Variants in NRG3 observed in about 807,000 individuals in gnomAD.
NRG3 encodes the protein neuregulin 3, also known as pro-neuregulin-3, membrane-bound isoform.
Under a neutral mutation model 66.9 loss-of-function variants are expected in NRG3, and 31 were observed. The observed-to-expected ratio is 0.46, with a 90% CI of 0.35 to 0.63. NRG3 has a LOEUF of 0.63. NRG3 is among the 20% of genes least tolerant of loss of function. The pLI is 0.00. For synonymous variants in NRG3, 393 were observed against 359.4 expected, an observed-to-expected ratio of 1.09 and a Z score of -1.06; for missense variants, 910 against 878.9, an observed-to-expected ratio of 1.04 and a Z score of -0.45.
In NRG3 at chr10:82,779,714, TG is replaced by T. The variant is rs530516409; in HGVS notation, c.1027+41065del. ...TCATGTTTTCTATTTCTTTAGTTAC[TG>T]AAATTTTCTATTCTTTTTTTTTATT... On this transcript the variant is annotated intron_variant, in intron 3 of 8. Coordinates refer to ENST00000372141, the MANE Select transcript of NRG3 (RefSeq NM_001010848.4). Among the ~76,000 whole-genome samples the T allele has an allele frequency of 9.9e-5, 15 of 151,962 alleles. No individual in the cohort carries two copies. In the South Asian group the frequency reaches 3.1e-3, roughly 31 times the overall value.
At chr10:82,449,273 A>C (rs1262516643) in intron 2 of NRG3, among the ~76,000 whole-genome samples, 1 of 152,208 alleles carries the variant, frequency 6.6e-6, no homozygotes, top group Non-Finnish European at 1.5e-5. Context: ...CAGGGGTCCA[A>C]CAAAGGAAGA....
At chr10:81,887,526 T>C (rs1257810096) in intron 1 of NRG3, among the ~76,000 whole-genome samples, 1 of 152,130 alleles carries the variant, frequency 6.6e-6, no homozygotes, top group Non-Finnish European at 1.5e-5. Flanking sequence ...TGGTCAAACA[T>C]GAATGGGTGG....
intron 2 of NRG3, among the ~76,000 whole-genome samples, chr10:82,639,823 G>A (rs1350697152): frequency 2.0e-5 from 3 of 151,952 alleles, no homozygotes; most frequent in Admixed American, 2.0e-4. Context: ...TTGTTATATA[G>A]GTAAACTTGT....
intron 1 of NRG3, among the ~76,000 whole-genome samples, chr10:82,147,194 A>G (rs1282600713): frequency 6.6e-6 from 1 of 152,078 alleles, no homozygotes; most frequent in Admixed American, 6.5e-5. Flanking sequence ...CCATTCTCTC[A>G]TTTTCTCACA....
intron 2 of NRG3, among the ~76,000 whole-genome samples, chr10:82,384,671 G>C (rs974190631): frequency 6.6e-6 from 1 of 152,044 alleles, no homozygotes; most frequent in Admixed American, 6.6e-5. Context: ...TCTTTATATA[G>C]TCTATCATTG....
chr10:82,310,268 T>C (rs777080573), intron 1 of NRG3, among the ~76,000 whole-genome samples: 1 of 152,198 alleles, frequency 6.6e-6, no homozygotes, highest in Non-Finnish European at 1.5e-5. Context: ...TGATGTGACT[T>C]GTGCTGTATT....
At chr10:82,306,892 C>A (rs1331263861) in intron 1 of NRG3, among the ~76,000 whole-genome samples, 1 of 151,892 alleles carries the variant, frequency 6.6e-6, no homozygotes, top group Non-Finnish European at 1.5e-5. Flanking sequence ...GACTATTATT[C>A]ACTTCATCAA....
intron 1 of NRG3, among the ~76,000 whole-genome samples, chr10:82,036,414 A>T (rs2062792581): frequency 6.6e-6 from 1 of 152,116 alleles, no homozygotes. Context: ...GGCACAAGTT[A>T]TTATCCCCAT....
chr10:82,167,384 T>C (rs2072165324), intron 1 of NRG3, among the ~76,000 whole-genome samples: 1 of 152,130 alleles, frequency 6.6e-6, no homozygotes, highest in Admixed American at 6.6e-5. Context: ...CCTCTCCTTA[T>C]ATATGACTCT....
intron 1 of NRG3, among the ~76,000 whole-genome samples, chr10:82,087,720 A>G (rs1402970045): frequency 6.6e-6 from 1 of 152,160 alleles, no homozygotes; most frequent in African/African-American, 2.4e-5. Flanking sequence ...AATACAATCC[A>G]TATGAAATAT....
chr10:82,957,926 G>A (rs1850234951), intron 5 of NRG3, among the ~76,000 whole-genome samples: 1 of 151,462 alleles, frequency 6.6e-6, no homozygotes. Context: ...GTGTGTGAGT[G>A]TTGTGTTTAA....
chr10:82,357,257 G>A (rs2083842198), intron 1 of NRG3, among the ~76,000 whole-genome samples: 1 of 152,166 alleles, frequency 6.6e-6, no homozygotes, highest in South Asian at 2.1e-4. Context: ...CCATGCCCTG[G>A]TTTGCCCTAC....
chr10:82,220,879 T>A (rs2133772433), intron 1 of NRG3, among the ~76,000 whole-genome samples: 1 of 152,172 alleles, frequency 6.6e-6, no homozygotes, highest in African/African-American at 2.4e-5. Flanking sequence ...TGCTTGCAGT[T>A]CCAGCTGCTT....
intron 5 of NRG3, among the ~76,000 whole-genome samples, chr10:82,957,294 G>A (rs1450555197): frequency 2.6e-5 from 4 of 151,894 alleles, no homozygotes; most frequent in Non-Finnish European, 4.4e-5. Flanking sequence ...AAACTAGTGG[G>A]TAGCAGAGTG....
intron 2 of NRG3, among the ~76,000 whole-genome samples, chr10:82,661,214 G>C (rs935968473): frequency 6.6e-6 from 1 of 152,144 alleles, no homozygotes; most frequent in Non-Finnish European, 1.5e-5. Flanking sequence ...GGATACAGTA[G>C]TTACAGCAAA....
intron 2 of NRG3, among the ~76,000 whole-genome samples, chr10:82,643,703 C>A (rs1456721536): frequency 1.3e-5 from 2 of 152,058 alleles, no homozygotes; most frequent in Admixed American, 6.6e-5. Flanking sequence ...ATAGTCTAAT[C>A]TTTTCCCATT....
At chr10:82,918,549 G>A (rs1360982776) in intron 4 of NRG3, among the ~76,000 whole-genome samples, 2 of 152,090 alleles carry the variant, frequency 1.3e-5, no homozygotes, top group African/African-American at 4.8e-5. Flanking sequence ...GAGTTGCTTG[G>A]CACTGGCAGT....
intron 1 of NRG3, among the ~76,000 whole-genome samples, chr10:82,256,083 C>G (rs888820312): frequency 6.6e-6 from 1 of 152,068 alleles, no homozygotes; most frequent in Non-Finnish European, 1.5e-5. Flanking sequence ...GCCACTGTGC[C>G]TGGCTAATTT....
At position 82,155,578 on chromosome 10, in the gene NRG3, A is replaced by G. The variant is rs182780785; in HGVS notation, c.824-203161A>G. On this transcript the variant is annotated intron_variant, in intron 1 of 8. Transcript: ENST00000372141. The stretch of plus-strand genomic sequence containing the variant: ...ACAAACATATCGTAATAAAAAGGGT[A>G]TGGCTTAATGCCAACATGTACCTGC... Among the ~76,000 whole-genome samples the G allele has an allele frequency of 3.5e-3, 531 of 151,884 alleles. 3 individuals are homozygous for G. The highest frequency in any genetic ancestry group is 0.01 in the Middle Eastern group (3 of 294).
Sources: gnomAD v4.1 joint callset for allele counts (sites outside exome capture counted in the v4.1 genomes callset) on GRCh38, gnomAD v4.1.1 for gene constraint, MANE v1.5 for transcripts, NCBI Gene and HGNC (gene_info 2026-07-23, HGNC 2026-07-21) for gene names.